ARHGEF3: variants seen among roughly 807,000 people sequenced by gnomAD.
ARHGEF3 encodes Rho guanine nucleotide exchange factor 3.
A neutral mutation model predicts 63.2 loss-of-function variants in ARHGEF3; 28 were observed. That is an observed-to-expected ratio of 0.44 (90% CI 0.33 to 0.61). The LOEUF (loss-of-function observed/expected upper bound fraction) is 0.61, where lower values mean the gene tolerates loss of function less well. Among genes scored for constraint, ARHGEF3 ranks in the 20% least tolerant of loss-of-function variants. The pLI is 0.03. For missense variants in ARHGEF3, 533 were observed against 659.3 expected (o/e 0.81, Z 2.10); for synonymous variants, 266 against 254.2 (o/e 1.05, Z -0.44).
chr3:56,873,528 C>T (rs1186084275), intron 4 of ARHGEF3, among the ~76,000 whole-genome samples: 1 of 151,960 alleles, frequency 6.6e-6, no homozygotes, highest in Non-Finnish European at 1.5e-5. Flanking sequence ...AGATAATGGC[C>T]CCATCCATGT....
At chr3:56,944,965 C>T (rs1254020265) in intron 3 of ARHGEF3, among the ~76,000 whole-genome samples, 2 of 152,104 alleles carry the variant, frequency 1.3e-5, no homozygotes, top group African/African-American at 4.8e-5. Flanking sequence ...TAGGATATTC[C>T]ATAAACTGAA....
intron 3 of ARHGEF3, chr3:56,940,946 C>A (rs929459903): frequency 2.0e-5 from 3 of 152,078 alleles, no homozygotes; most frequent in African/African-American, 7.2e-5. Context: ...GCATTCTGAC[C>A]CCAAAGCATA....
At chr3:56,958,209 A>G (rs940877110) in intron 3 of ARHGEF3, among the ~76,000 whole-genome samples, 4 of 152,000 alleles carry the variant, frequency 2.6e-5, no homozygotes, top group South Asian at 2.1e-4. Context: ...AACAGCCCCA[A>G]TGCCTGCCTC....
chr3:56,968,496 T>TTA, intron 2 of ARHGEF3, among the ~76,000 whole-genome samples: 1 of 101,458 alleles, frequency 9.9e-6, no homozygotes, highest in Non-Finnish European at 2.0e-5. Flanking sequence ...CACAACTAGC[T>TTA]TTTTTTTTTT....
intron 2 of ARHGEF3, among the ~76,000 whole-genome samples, chr3:57,019,049 A>G (rs1053003294): frequency 1.1e-4 from 17 of 152,200 alleles, no homozygotes; most frequent in African/African-American, 4.1e-4. Context: ...ATGTTAAGCC[A>G]CCTGGATTCA....
intron 3 of ARHGEF3, among the ~76,000 whole-genome samples, chr3:56,945,540 C>G (rs1699445043): frequency 6.6e-6 from 1 of 152,148 alleles, no homozygotes; most frequent in Non-Finnish European, 1.5e-5. Flanking sequence ...AGTCTGAGAT[C>G]AAACTGCAAG....
intron 3 of ARHGEF3, among the ~76,000 whole-genome samples, chr3:56,945,206 G>T (rs527431733): frequency 7.7e-4 from 117 of 152,258 alleles, no homozygotes; most frequent in African/African-American, 2.8e-3. Flanking sequence ...CAGAAGACGG[G>T]TGATTTCTGC....
intron 6 of ARHGEF3, among the ~76,000 whole-genome samples, chr3:56,747,127 T>C (rs1192166912): frequency 6.6e-6 from 1 of 152,142 alleles, no homozygotes; most frequent in Non-Finnish European, 1.5e-5. Context: ...GCTTGTAATT[T>C]AGACTTTCAG....
At chr3:56,900,624 T>C (rs1423671391) in intron 3 of ARHGEF3, among the ~76,000 whole-genome samples, 1 of 152,224 alleles carries the variant, frequency 6.6e-6, no homozygotes, top group Non-Finnish European at 1.5e-5. Flanking sequence ...AGCAAGATCC[T>C]GTCTCAAAAC....
intron 2 of ARHGEF3, chr3:56,977,432 C>T (rs1409127216): frequency 4.9e-6 from 2 of 405,570 alleles, no homozygotes; most frequent in South Asian, 3.6e-5. Flanking sequence ...GGCAACCACA[C>T]TTTATGACCC....
intron 1 of ARHGEF3, among the ~76,000 whole-genome samples, chr3:57,059,482 G>C (rs1027384698): frequency 1.4e-5 from 2 of 139,544 alleles, no homozygotes; most frequent in African/African-American, 5.2e-5. Flanking sequence ...TTTGGAGTCT[G>C]TTCTTCCCCG....
chr3:56,826,334 T>A (rs911133727), intron 4 of ARHGEF3, among the ~76,000 whole-genome samples: 1 of 152,158 alleles, frequency 6.6e-6, no homozygotes. Flanking sequence ...CTAGAAGCAT[T>A]TTGATTCAAA....
intron 3 of ARHGEF3, among the ~76,000 whole-genome samples, chr3:56,945,819 C>G (rs1313999631): frequency 2.6e-5 from 4 of 152,228 alleles, no homozygotes; most frequent in African/African-American, 4.8e-5. Flanking sequence ...TGAGAATGGA[C>G]AGACTGCCTC....
At chr3:56,978,054 A>G (rs1050720282) in intron 2 of ARHGEF3, among the ~76,000 whole-genome samples, 5 of 152,200 alleles carry the variant, frequency 3.3e-5, no homozygotes, top group Non-Finnish European at 7.4e-5. Context: ...CCTGCTGAGC[A>G]CAGGGAGACA....
At chr3:57,036,432 G>A (rs969391751) in intron 1 of ARHGEF3, among the ~76,000 whole-genome samples, 1 of 152,078 alleles carries the variant, frequency 6.6e-6, no homozygotes, top group African/African-American at 2.4e-5. Context: ...GTGTGCACAG[G>A]AGAAGAATAT....
At chr3:56,994,699 G>A (rs1294876506) in intron 2 of ARHGEF3, among the ~76,000 whole-genome samples, 1 of 152,080 alleles carries the variant, frequency 6.6e-6, no homozygotes, top group Non-Finnish European at 1.5e-5. Context: ...ACAAAACACA[G>A]TATAACTTAA....
intron 2 of ARHGEF3, among the ~76,000 whole-genome samples, chr3:57,001,923 T>TG (rs1702207002): frequency 1.5e-5 from 1 of 66,536 alleles, no homozygotes; most frequent in Non-Finnish European, 3.1e-5. Flanking sequence ...TAGTTTTTTT[T>TG]TTTTTTGTTT....
chr3:56,750,300 G>A (rs1559902633), intron 6 of ARHGEF3, among the ~76,000 whole-genome samples: 1 of 152,122 alleles, frequency 6.6e-6, no homozygotes, highest in Non-Finnish European at 1.5e-5. Context: ...GCCTTGTCTA[G>A]CGTAAGTGAA....
intron 1 of ARHGEF3, among the ~76,000 whole-genome samples, chr3:57,076,523 A>G (rs750156611): frequency 2.6e-5 from 4 of 152,164 alleles, no homozygotes; most frequent in Non-Finnish European, 4.4e-5. Flanking sequence ...CTCTCCTCCA[A>G]TGGTTCTCTG....
Sources: allele counts gnomAD v4.1 joint callset (sites outside exome capture counted in the v4.1 genomes callset), GRCh38; gene constraint gnomAD v4.1.1; transcripts MANE v1.5; gene names NCBI Gene and HGNC (gene_info 2026-07-23, HGNC 2026-07-21).